RESF1: variants seen among roughly 807,000 people sequenced by gnomAD.
The protein encoded by RESF1 is gonad expressed transcript.
RESF1 carries 65 observed loss-of-function variants against 134.7 expected under a neutral mutation model. The observed-to-expected ratio is 0.48, with a 90% CI of 0.40 to 0.59. The LOEUF is 0.59. RESF1 is among the 20% of genes least tolerant of loss of function. The pLI, the probability that RESF1 is intolerant of heterozygous loss-of-function variation, is 0.00. For synonymous variants in RESF1, 762 were observed against 702.2 expected (o/e 1.09, Z -1.35); for missense variants, 2,274 against 2,002.7 (o/e 1.14, Z -2.59).
chr12:31,988,230 T>G (rs1940016923), intron 5 of RESF1, among the ~76,000 whole-genome samples: 1 of 152,188 alleles, frequency 6.6e-6, no homozygotes, highest in Non-Finnish European at 1.5e-5. Flanking sequence ...TTGAATCTGG[T>G]CCCCTCTTTT....
intron 4 of RESF1, among the ~76,000 whole-genome samples, chr12:31,986,433 G>T (rs557446051): frequency 6.6e-6 from 1 of 152,248 alleles, no homozygotes; most frequent in South Asian, 2.1e-4. Flanking sequence ...TATGGAAATG[G>T]GTCAACTAAT....
Position 31,993,020 on chromosome 12 carries a change from A to G in RESF1, c.*485A>G, listed in dbSNP as rs934189358. 2 of 154,348 alleles carry G rather than the reference A, an allele frequency of 1.3e-5. No homozygotes were observed. The highest frequency in any genetic ancestry group is 4.8e-5 in the African/African-American group (2 of 41,464). 9.6% of individuals were successfully genotyped at this position (154,348 alleles called of 1,614,324 possible). A position where few individuals can be genotyped will look rare whatever the true frequency, so the allele number is the denominator to read the frequency against. On this transcript the variant is annotated 3_prime_UTR_variant, in exon 6 of 6. Transcript: ENST00000312561. Reference sequence around the variant, plus strand: ...AACTTTTTTTCAGAAGTCTTATTTTATACTTGTGAAACTGAACACAATTTT... The same window carrying G: ...AACTTTTTTTCAGAAGTCTTATTTTGTACTTGTGAAACTGAACACAATTTT...
At chr12:31,986,412 CTT>C (rs1375299999) in intron 4 of RESF1, among the ~76,000 whole-genome samples, 1 of 152,126 alleles carries the variant, frequency 6.6e-6, no homozygotes, top group Non-Finnish European at 1.5e-5. Context: ...ATACTGAAGT[CTT>C]TTTGTTCATA....
At chr12:31,980,274 G>A (rs550348260) in intron 3 of RESF1, among the ~76,000 whole-genome samples, 6 of 151,914 alleles carry the variant, frequency 3.9e-5, no homozygotes, top group South Asian at 2.1e-4. Context: ...ACCACACCCC[G>A]CTAATTTTTG....
rs1940124855 is a variant in RESF1, at chr12:31,992,817, A to G, written c.*282A>G. The stretch of plus-strand genomic sequence containing the variant: ...TTAAAAGGAATGCTTATACAAATCA[A>G]TTTGAAATTCTACCCATCTTGAGGG... On this transcript the variant is annotated 3_prime_UTR_variant, in exon 6 of 6. Coordinates refer to ENST00000312561, the MANE Select transcript of RESF1 (RefSeq NM_018169.4). 2.8e-6 allele frequency: 1 copy of G among 354,764 alleles called. No individual in the cohort carries two copies. The highest frequency in any genetic ancestry group is 5.2e-6 in the Non-Finnish European group (1 of 192,850). 22.0% of individuals were successfully genotyped at this position (354,764 alleles called of 1,614,324 possible). A position where few individuals can be genotyped will look rare whatever the true frequency, so the allele number is the denominator to read the frequency against.
At chr12:31,963,342 CAAAAA>C (rs35032861) in intron 2 of RESF1, among the ~76,000 whole-genome samples, 1 of 123,350 alleles carries the variant, frequency 8.1e-6, no homozygotes, top group Non-Finnish European at 1.8e-5. Context: ...GAGACTGTCT[CAAAAA>C]AAAAAAAAAA....
At position 31,983,386 on chromosome 12, in the gene RESF1, ACTG is replaced by A; in HGVS notation, c.2437_2439del (p.Ala813del). ...TCAATTGGCAGAAAATGCAAAGGCA[ACTG>A]CTGCTTTGAAAGTTGATGTTAGTGG... is the stretch of plus-strand genomic sequence containing the variant. On this transcript the variant is annotated inframe_deletion, in exon 4 of 6. Coordinates refer to ENST00000312561, the MANE Select transcript of RESF1 (RefSeq NM_018169.4). 1 of 1,614,072 alleles carries A rather than the reference ACTG, an allele frequency of 6.2e-7. No homozygotes were observed. The highest frequency in any genetic ancestry group is 8.5e-7 in the Non-Finnish European group (1 of 1,180,030).
intron 2 of RESF1, among the ~76,000 whole-genome samples, chr12:31,967,499 T>C (rs1939422433): frequency 6.6e-6 from 1 of 152,212 alleles, no homozygotes; most frequent in African/African-American, 2.4e-5. Flanking sequence ...AATGGGGTTT[T>C]ATAGACATGA....
At chr12:31,976,793 G>C (rs965019898) in intron 3 of RESF1, among the ~76,000 whole-genome samples, 5 of 152,108 alleles carry the variant, frequency 3.3e-5, no homozygotes, top group African/African-American at 2.4e-5. Flanking sequence ...CGGAGGAGGA[G>C]GGAAGAGAAG....
At chr12:31,975,395 A>G (rs982162370) in intron 3 of RESF1, among the ~76,000 whole-genome samples, 11 of 152,236 alleles carry the variant, frequency 7.2e-5, no homozygotes, top group Non-Finnish European at 1.5e-5. Flanking sequence ...CTGATATGTT[A>G]TTATTAAAGT....
In RESF1 at chr12:31,982,515, T is replaced by G. The variant is rs769700493; in HGVS notation, c.1560T>G (p.His520Gln). The G allele has an allele frequency of 5.6e-6, 9 of 1,613,538 alleles. No homozygotes were observed. The African/African-American group carries it at 1.2e-4, about 22-fold the overall frequency. Residue 520 changes from histidine (H) to glutamine (Q), a missense_variant, in exon 4 of 6, where the codon CAT becomes CAG. Physicochemically the swap from His to Gln is conservative, Grantham distance 24. Transcript: ENST00000312561. ...AGCGGCCAATGCCAGACTCATCTCA[T>G]GATGTGAAAGTTCTCACTTCAAAGA... ...SEKRPMPDSS[H>Q]DVKVLTSKTS...
rs186586861 is a variant in RESF1 at position 31,967,028 on chromosome 12, C to A, written c.-246-3161C>A. On this transcript the variant is annotated intron_variant, in intron 2 of 5. Coordinates refer to ENST00000312561, the MANE Select transcript of RESF1 (RefSeq NM_018169.4). ...AAGAACAAAGTGAGAGAAAAGCAGCCCTGTGAGAAACAGTCACAAAGCAGT... is the reference window on the plus strand; with the variant it reads ...AAGAACAAAGTGAGAGAAAAGCAGCACTGTGAGAAACAGTCACAAAGCAGT... Among the ~76,000 whole-genome samples, 61 of 152,268 alleles carry A rather than the reference C, an allele frequency of 4.0e-4. 1 individual carries two copies. Among genetic ancestry groups the A allele is most frequent in the Admixed American group, 2.8e-3 (43 of 15,304 alleles).
Position 31,987,314 on chromosome 12 carries a change from A to C in RESF1, c.5078A>C (p.Gln1693Pro). 1 of 1,593,448 alleles carries C rather than the reference A, an allele frequency of 6.3e-7. No individual in the cohort carries two copies. Among genetic ancestry groups the C allele is most frequent in the Non-Finnish European group, 8.6e-7 (1 of 1,162,802 alleles). Reference protein sequence around the residue: ...ATKKRTQKDSQERDNVNSRLS... With the variant: ...ATKKRTQKDSPERDNVNSRLS... ...AAGAAAAGGACACAGAAAGACAGCC[A>C]AGAGAGAGGTAAAGTCATCTTTTTA... The change falls in exon 5 of 6, where the codon CAA (glutamine) becomes CCA (proline). Residue 1693 changes from glutamine to proline, a missense_variant. Coordinates refer to ENST00000312561, the MANE Select transcript of RESF1 (RefSeq NM_018169.4).
chr12:31,974,537 G>A (rs555154628), intron 3 of RESF1, among the ~76,000 whole-genome samples: 47 of 152,168 alleles, frequency 3.1e-4, no homozygotes, highest in African/African-American at 9.4e-4. Context: ...TCCTTCCTCT[G>A]TGGGCCGACA....
rs550353898 is a variant in RESF1 at position 31,981,783 on chromosome 12, ACCT to A, written c.841_843del (p.Pro281del). The A allele has an allele frequency of 3.1e-3, 4,999 of 1,613,502 alleles. 16 individuals are homozygous for A. Among genetic ancestry groups the A allele is most frequent in the Non-Finnish European group, 3.8e-3 (4,533 of 1,179,782 alleles). On this transcript the variant is annotated inframe_deletion, in exon 4 of 6. Transcript: ENST00000312561. ...AGTATGCCACGCAAACTGACAAAAG[ACCT>A]CCTCCTCCTCCTTACAACTGTAGAT...
At chr12:31,964,744 A>T (rs1003628344) in intron 2 of RESF1, among the ~76,000 whole-genome samples, 4 of 152,020 alleles carry the variant, frequency 2.6e-5, no homozygotes, top group African/African-American at 9.7e-5. Context: ...GTGCATGTTG[A>T]TTTCTTTGGA....
Position 31,982,421 on chromosome 12 carries a change from T to A in RESF1, c.1466T>A (p.Ile489Asn). The stretch of plus-strand genomic sequence containing the variant: ...ACTCAATGTATGTTGAATTCTGACA[T>A]TCAGGAAGTCAATTGCAGAAGGTTT... ...NKTQCMLNSD[I>N]QEVNCRRFNQ... is the part of the protein sequence containing the mutation. Residue 489 changes from isoleucine to asparagine, a missense_variant, in exon 4 of 6, where the codon ATT becomes AAT. By Grantham distance (149) the Ile-to-Asn change is moderately radical (BLOSUM62 -3). Transcript: ENST00000312561. The A allele has an allele frequency of 6.2e-7, 1 of 1,614,094 alleles. No homozygotes were observed.
rs1292269995 is a variant in RESF1, at chr12:31,960,765, T to G, written c.-341-12T>G. The G allele has an allele frequency of 6.6e-6, 1 of 152,238 alleles. No homozygotes were observed. The highest frequency in any genetic ancestry group is 2.4e-5 in the African/African-American group (1 of 41,458). 9.4% of individuals were successfully genotyped at this position (152,238 alleles called of 1,614,324 possible). A position where few individuals can be genotyped will look rare whatever the true frequency, so the allele number is the denominator to read the frequency against. ...TGCTCTTTTATTATAAAATGTTTCT[T>G]GCTGTCCCTAGGACCAAAGAAGTAA... On this transcript the variant is annotated splice_polypyrimidine_tract_variant and intron_variant, in intron 1 of 5. Coordinates refer to ENST00000312561, the MANE Select transcript of RESF1 (RefSeq NM_018169.4).
chr12:31,960,590 G>C (rs1425553211), intron 1 of RESF1, among the ~76,000 whole-genome samples, 187 bp from the exon 2 acceptor site: 1 of 152,188 alleles, frequency 6.6e-6, no homozygotes, highest in Admixed American at 6.5e-5. Flanking sequence ...TCTAACTTAA[G>C]TGAATGGTAT....
Sources: allele counts gnomAD v4.1 joint callset (sites outside exome capture counted in the v4.1 genomes callset), GRCh38; gene constraint gnomAD v4.1.1; transcripts MANE v1.5; gene names NCBI Gene and HGNC (gene_info 2026-07-23, HGNC 2026-07-21).